The following SOX6 variants were observed in gnomAD, a reference collection of about 807,000 sequenced individuals.
SOX6 encodes the protein transcription factor SOX-6.
In SOX6, 11 loss-of-function variants were observed where a neutral mutation model predicts 97.8. The ratio of observed to expected loss-of-function variants is 0.11; its 90% CI spans 0.07 to 0.19. The LOEUF (loss-of-function observed/expected upper bound fraction) is 0.19, where lower values mean the gene tolerates loss of function less well. Ranked by LOEUF, SOX6 falls within the 10% of genes least tolerant of loss-of-function variation. SOX6 has a pLI of 1.00. For missense variants in SOX6, 810 were observed against 1,039.5 expected, an observed-to-expected ratio of 0.78 and a Z score of 3.04; for synonymous variants, 360 against 371.4, an observed-to-expected ratio of 0.97 and a Z score of 0.35.
intron 3 of SOX6, among the ~76,000 whole-genome samples, chr11:16,239,522 G>A (rs1346374396): frequency 1.3e-5 from 2 of 152,026 alleles, no homozygotes. Flanking sequence ...AATCCAGTCT[G>A]CAAGTAACAC....
intron 1 of SOX6, among the ~76,000 whole-genome samples, chr11:16,385,583 A>C (rs941265936): frequency 6.6e-6 from 1 of 152,096 alleles, no homozygotes; most frequent in Non-Finnish European, 1.5e-5. Context: ...ATTTTAAAAA[A>C]TCTTTTCTTT....
At chr11:16,271,568 T>G (rs2134230137) in intron 3 of SOX6, among the ~76,000 whole-genome samples, 1 of 151,548 alleles carries the variant, frequency 6.6e-6, no homozygotes, top group Admixed American at 6.6e-5. Context: ...GCTTTCTATC[T>G]TTAACAGAGT....
At chr11:16,396,339 A>C (rs1858353643) in intron 1 of SOX6, among the ~76,000 whole-genome samples, 1 of 151,736 alleles carries the variant, frequency 6.6e-6, no homozygotes, top group Admixed American at 6.6e-5. Flanking sequence ...AAAGCTGAGT[A>C]TATAGGACTA....
chr11:15,988,922 C>T (rs1407617762), intron 14 of SOX6, 75 bp downstream of exon 14: 8 of 1,437,296 alleles, frequency 5.6e-6, no homozygotes, highest in Non-Finnish European at 7.8e-6. Context: ...TAGTTATCCC[C>T]TTGCTTCCCA....
At chr11:16,365,791 C>T (rs1857343115) in intron 1 of SOX6, among the ~76,000 whole-genome samples, 1 of 152,078 alleles carries the variant, frequency 6.6e-6, no homozygotes, top group Non-Finnish European at 1.5e-5. Flanking sequence ...TGACGATGTT[C>T]ATGATTTTTT....
At position 16,463,957 on chromosome 11, in the gene SOX6, T is replaced by C. The variant is rs545098127; in HGVS notation, c.-5+12358A>G. On this transcript the variant is annotated intron_variant, in intron 1 of 15. Coordinates refer to the SOX6 transcript ENST00000396356. ...CTCAACAAATGACCAACATCAACAA[T>C]TGAGATGAACTCATTCTGTGTGGAA... Among the ~76,000 whole-genome samples the C allele has an allele frequency of 2.6e-5, 4 of 152,310 alleles. No individual in the cohort carries two copies. In the East Asian group the frequency reaches 7.7e-4, roughly 29 times the overall value.
At chr11:16,119,136 G>A (rs1047682737) in intron 6 of SOX6, among the ~76,000 whole-genome samples, 1 of 152,112 alleles carries the variant, frequency 6.6e-6, no homozygotes, top group Admixed American at 6.6e-5. Flanking sequence ...TATTACCACT[G>A]TAAAAGCTGC....
chr11:16,487,098 T>A (rs1327879440), intron 4 of SOX6, among the ~76,000 whole-genome samples: 1 of 152,020 alleles, frequency 6.6e-6, no homozygotes, highest in Non-Finnish European at 1.5e-5. Context: ...AAAACTTGTA[T>A]GGAAAAATGA....
At chr11:16,144,251 G>A (rs1432673667) in intron 6 of SOX6, among the ~76,000 whole-genome samples, 24 of 152,084 alleles carry the variant, frequency 1.6e-4, no homozygotes, top group Admixed American at 3.3e-4. Context: ...CTGAATGACT[G>A]CTGGGTACAT....
intron 3 of SOX6, among the ~76,000 whole-genome samples, chr11:16,665,805 G>C (rs1300942271): frequency 6.6e-6 from 1 of 152,212 alleles, no homozygotes; most frequent in Admixed American, 6.5e-5. Flanking sequence ...AGGGGTGCTT[G>C]TGTGACCCCT....
intron 3 of SOX6, among the ~76,000 whole-genome samples, chr11:16,696,161 T>G (rs1848052115): frequency 6.6e-6 from 1 of 152,214 alleles, no homozygotes; most frequent in African/African-American, 2.4e-5. Context: ...AAACAGAAAT[T>G]TATCTCAGTC....
intron 7 of SOX6, among the ~76,000 whole-genome samples, chr11:16,102,017 A>G (rs1404252879): frequency 6.6e-6 from 1 of 151,908 alleles, no homozygotes; most frequent in Non-Finnish European, 1.5e-5. Flanking sequence ...ATAGTACTGG[A>G]AGTCCTAGCA....
intron 3 of SOX6, chr11:16,318,056 T>A (rs1042517244): frequency 7.3e-6 from 3 of 412,490 alleles, no homozygotes; most frequent in Admixed American, 2.8e-5. Flanking sequence ...GAAATATTTT[T>A]AATTTTGCTT....
chr11:16,565,346 C>T (rs1847858379), intron 4 of SOX6, among the ~76,000 whole-genome samples: 1 of 151,992 alleles, frequency 6.6e-6, no homozygotes, highest in African/African-American at 2.4e-5. Context: ...ATCCCCAGGC[C>T]CAAATGTCTA....
At chr11:16,203,932 T>C (rs942606434) in intron 4 of SOX6, among the ~76,000 whole-genome samples, 10 of 152,182 alleles carry the variant, frequency 6.6e-5, no homozygotes, top group African/African-American at 2.4e-4. Flanking sequence ...CATCTTAACC[T>C]ATTTTCTCTG....
intron 9 of SOX6, among the ~76,000 whole-genome samples, chr11:16,058,486 T>C (rs1847871566): frequency 6.6e-6 from 1 of 152,028 alleles, no homozygotes; most frequent in South Asian, 2.1e-4. Flanking sequence ...AAGGTCTAAG[T>C]ATGGGGTAGA....
Position 16,613,763 on chromosome 11 carries a change from A to C in SOX6, n.430-1503T>G, listed in dbSNP as rs1848431369. On this transcript the variant is annotated intron_variant and non_coding_transcript_variant, in intron 3 of 5. Transcript: ENST00000524520. This position sits in a 1 kb window ranked among gnomAD's most constrained non-coding sequence, Gnocchi z 4.6. Reference sequence around the variant, plus strand: ...TCGGGGAAACTAGACTGTTCCGTGGATGAACTGCGAGGATGCCGGCGGTCA... The same window carrying C: ...TCGGGGAAACTAGACTGTTCCGTGGCTGAACTGCGAGGATGCCGGCGGTCA... 6.6e-6 allele frequency among the ~76,000 whole-genome samples: 1 copy of C among 152,170 alleles called. No homozygotes were observed. The highest frequency in any genetic ancestry group is 1.5e-5 in the Non-Finnish European group (1 of 68,030).
chr11:16,276,758 C>A (rs964006534), intron 3 of SOX6, among the ~76,000 whole-genome samples: 1 of 152,142 alleles, frequency 6.6e-6, no homozygotes, highest in Non-Finnish European at 1.5e-5. Flanking sequence ...AATTAAACAC[C>A]TATTTCTTTA....
At chr11:16,619,825 C>G (rs1848518635) in intron 3 of SOX6, among the ~76,000 whole-genome samples, 1 of 151,992 alleles carries the variant, frequency 6.6e-6, no homozygotes. Context: ...AATTTTTATT[C>G]AACATTCACC....
Sources: gnomAD v4.1 joint callset for allele counts (sites outside exome capture counted in the v4.1 genomes callset) on GRCh38, gnomAD v4.1.1 for gene constraint, Gnocchi (gnomAD v3.1) non-coding constraint, MANE v1.5 for transcripts, NCBI Gene and HGNC (gene_info 2026-07-23, HGNC 2026-07-21) for gene names.